The following PEBP4 variants were observed in gnomAD, a reference collection of about 807,000 sequenced individuals.
PEBP4 encodes phosphatidylethanolamine-binding protein 4.
In PEBP4, 22 loss-of-function variants were observed where a neutral mutation model predicts 23.9. The ratio of observed to expected loss-of-function variants is 0.92; its 90% CI spans 0.66 to 1.31. The LOEUF is 1.31. PEBP4 is among the 40% of genes most tolerant of loss of function. PEBP4 has a pLI of 0.00. For missense variants in PEBP4, 324 were observed against 281.7 expected (o/e 1.15, Z -1.07); for synonymous variants, 112 against 99.3 (o/e 1.13, Z -0.76).
chr8:22,729,459 G>C (rs887445158), intron 4 of PEBP4, among the ~76,000 whole-genome samples: 1 of 152,236 alleles, frequency 6.6e-6, no homozygotes, highest in African/African-American at 2.4e-5. Context: ...GCAAGGGTGG[G>C]GGCCAGGGCC....
At chr8:22,756,306 G>T (rs1457713132) in intron 4 of PEBP4, among the ~76,000 whole-genome samples, 1 of 152,224 alleles carries the variant, frequency 6.6e-6, no homozygotes, top group Non-Finnish European at 1.5e-5. Context: ...TGGGCTCCCA[G>T]GATGTGACCC....
chr8:22,799,192 C>T (rs1210750287), intron 4 of PEBP4, among the ~76,000 whole-genome samples: 1 of 152,202 alleles, frequency 6.6e-6, no homozygotes, highest in Non-Finnish European at 1.5e-5. Flanking sequence ...ACCTCCCCCT[C>T]CTGCCGTCCT....
At chr8:22,809,038 G>T (rs1490867397) in intron 4 of PEBP4, among the ~76,000 whole-genome samples, 3 of 152,134 alleles carry the variant, frequency 2.0e-5, no homozygotes, top group Non-Finnish European at 4.4e-5. Context: ...CTTCTTGGGA[G>T]TGACATACAT....
At chr8:22,836,241 A>G (rs1807201638) in intron 3 of PEBP4, among the ~76,000 whole-genome samples, 1 of 152,220 alleles carries the variant, frequency 6.6e-6, no homozygotes, top group Non-Finnish European at 1.5e-5. Context: ...AATGCCTGGC[A>G]TATGTGAAGC....
chr8:22,765,731 G>A (rs116064006), intron 4 of PEBP4, among the ~76,000 whole-genome samples: 1,712 of 152,314 alleles, frequency 0.011, 40 homozygotes, highest in African/African-American at 0.04. Flanking sequence ...ACAGATATTC[G>A]CTCCACGCTG....
intron 4 of PEBP4, among the ~76,000 whole-genome samples, chr8:22,743,512 T>G (rs192919922): frequency 6.6e-6 from 1 of 152,210 alleles, no homozygotes; most frequent in Non-Finnish European, 1.5e-5. Context: ...AGGAGCCTGA[T>G]GGCAGCCCCA....
rs762033535 is a variant in PEBP4, at chr8:22,735,000, G to A, written c.358-7780C>T. Among the ~76,000 whole-genome samples the A allele has an allele frequency of 4.2e-4, 64 of 152,260 alleles. 1 individual carries two copies. Among genetic ancestry groups the A allele is most frequent in the Middle Eastern group, 3.4e-3 (1 of 294 alleles). On this transcript the variant is annotated intron_variant, in intron 4 of 6. Coordinates refer to ENST00000256404, the MANE Select transcript of PEBP4 (RefSeq NM_144962.3). Reference sequence around the variant, plus strand: ...CTGTCCAGGCCCTTTGTTCTAGGTCGTGCGATTGCCAAAAATGTCACACCG... The same window carrying A: ...CTGTCCAGGCCCTTTGTTCTAGGTCATGCGATTGCCAAAAATGTCACACCG...
intron 2 of PEBP4, among the ~76,000 whole-genome samples, chr8:22,927,312 C>A (rs939472674): frequency 6.6e-6 from 1 of 152,108 alleles, no homozygotes; most frequent in South Asian, 2.1e-4. Flanking sequence ...AAAGACCCCC[C>A]AGGTTTGGAG....
At chr8:22,763,107 C>T (rs921966173) in intron 4 of PEBP4, among the ~76,000 whole-genome samples, 3 of 152,026 alleles carry the variant, frequency 2.0e-5, no homozygotes, top group Admixed American at 6.6e-5. Flanking sequence ...CGTGTTCAAG[C>T]GATTCTCCGA....
chr8:22,931,387 C>A (rs73672942), upstream of PEBP4, among the ~76,000 whole-genome samples: 1,707 of 152,056 alleles, frequency 0.011, 28 homozygotes, highest in African/African-American at 0.038. Context: ...GCAGTAACAC[C>A]CCATTCCTCC....
intron 3 of PEBP4, among the ~76,000 whole-genome samples, chr8:22,911,047 G>A (rs751535832): frequency 6.6e-6 from 1 of 151,992 alleles, no homozygotes; most frequent in East Asian, 1.9e-4. Context: ...GTGGGGGCAG[G>A]GGTACATGGG....
intron 4 of PEBP4, among the ~76,000 whole-genome samples, chr8:22,806,686 G>C (rs1410345153): frequency 6.6e-6 from 1 of 151,842 alleles, no homozygotes; most frequent in Non-Finnish European, 1.5e-5. Flanking sequence ...TGTCACCAGG[G>C]ACCAACTAGA....
intron 6 of PEBP4, among the ~76,000 whole-genome samples, chr8:22,717,750 C>G (rs895969809): frequency 2.0e-5 from 3 of 152,200 alleles, no homozygotes; most frequent in African/African-American, 7.2e-5. Context: ...GCCTCGCTGC[C>G]TCTCCTCTTA....
intron 3 of PEBP4, among the ~76,000 whole-genome samples, chr8:22,896,758 C>A (rs1052066786): frequency 1.3e-5 from 2 of 152,058 alleles, no homozygotes; most frequent in Non-Finnish European, 2.9e-5. Flanking sequence ...TGTCAGGTGC[C>A]TCAACTATGT....
At position 22,817,728 on chromosome 8, in the gene PEBP4, G is replaced by T; in HGVS notation, c.266C>A (p.Thr89Asn). The T allele has an allele frequency of 6.2e-7, 1 of 1,614,036 alleles. No individual in the cohort carries two copies. Among genetic ancestry groups the T allele is most frequent in the Non-Finnish European group, 8.5e-7 (1 of 1,179,972 alleles). The part of the protein sequence containing the change: ...VKFPGAVDGA[T>N]YILVMVDPDA... ...TGGATCCACCATCACCAGGATATAG[G>T]TTGCGCCCTGTAACACATGTACCGA... The change falls in exon 4 of 7, where the codon ACC (threonine) becomes AAC (asparagine). Residue 89 changes from threonine (T) to asparagine (N), a missense_variant. Coordinates refer to ENST00000256404, the MANE Select transcript of PEBP4 (RefSeq NM_144962.3).
chr8:22,813,085 C>T (rs1806666359), intron 4 of PEBP4, among the ~76,000 whole-genome samples: 1 of 152,170 alleles, frequency 6.6e-6, no homozygotes, highest in Admixed American at 6.5e-5. Context: ...TTGGATTTCC[C>T]ATTATCTTAT....
intron 6 of PEBP4, among the ~76,000 whole-genome samples, chr8:22,719,151 A>C (rs562955290): frequency 6.6e-6 from 1 of 152,204 alleles, no homozygotes; most frequent in Admixed American, 6.5e-5. Context: ...GGAGCGGCTT[A>C]TGGCTGCCTG....
At chr8:22,830,388 T>C (rs1035377163) in intron 3 of PEBP4, among the ~76,000 whole-genome samples, 4 of 152,152 alleles carry the variant, frequency 2.6e-5, no homozygotes, top group African/African-American at 9.7e-5. Context: ...TGTGTTGTGA[T>C]CTGCCTGCCT....
At chr8:22,897,300 G>C (rs918951886) in intron 3 of PEBP4, among the ~76,000 whole-genome samples, 3 of 152,158 alleles carry the variant, frequency 2.0e-5, no homozygotes, top group Non-Finnish European at 4.4e-5. Context: ...ACACTGCAAC[G>C]GGATGTGATG....
Sources: gnomAD v4.1 joint callset for allele counts (sites outside exome capture counted in the v4.1 genomes callset) on GRCh38, gnomAD v4.1.1 for gene constraint, MANE v1.5 for transcripts, NCBI Gene and HGNC (gene_info 2026-07-23, HGNC 2026-07-21) for gene names.